NPAS3: variants seen among roughly 807,000 people sequenced by gnomAD.
The protein encoded by NPAS3 is neuronal PAS domain-containing protein 3.
A neutral mutation model predicts 73.1 loss-of-function variants in NPAS3; 14 were observed. The observed-to-expected ratio is 0.19, with a 90% CI of 0.13 to 0.30. The LOEUF is 0.30. Ranked by LOEUF, NPAS3 falls within the 10% of genes least tolerant of loss-of-function variation. NPAS3 has a pLI of 1.00. For synonymous variants in NPAS3, 620 were observed against 541.5 expected, an observed-to-expected ratio of 1.14 and a Z score of -2.01; for missense variants, 1,096 against 1,250.0, an observed-to-expected ratio of 0.88 and a Z score of 1.86.
intron 5 of NPAS3, among the ~76,000 whole-genome samples, chr14:33,609,554 G>C (rs896752440): frequency 6.6e-6 from 1 of 151,580 alleles, no homozygotes; most frequent in Admixed American, 6.6e-5. Flanking sequence ...AAAAAAGGAC[G>C]TGAACTGATG....
chr14:33,415,102 C>T (rs1394506916), intron 4 of NPAS3, among the ~76,000 whole-genome samples: 1 of 152,130 alleles, frequency 6.6e-6, no homozygotes, highest in African/African-American at 2.4e-5. Context: ...GTTGTTTTAA[C>T]TGAAGGTGAG....
intron 4 of NPAS3, among the ~76,000 whole-genome samples, chr14:33,546,425 G>A (rs748751253): frequency 2.0e-5 from 3 of 152,090 alleles, no homozygotes; most frequent in Non-Finnish European, 4.4e-5. Flanking sequence ...ATACTATAAG[G>A]GGCATTAGTA....
chr14:33,800,605 CG>C lies in NPAS3; in HGVS notation c.2303del (p.Gly768AlafsTer42). On this transcript the variant is annotated frameshift_variant, in exon 12 of 12. Transcript: ENST00000356141. LOFTEE classifies it high-confidence loss of function. This position sits in a 1 kb window ranked among gnomAD's most constrained non-coding sequence, Gnocchi z 6.5. ...AGCACCCCGGGAACGGCGGCGGGGGCGGGGGCGGGGGCGGCGGCGCGGGGGG... is the reference window on the plus strand; with the variant it reads ...AGCACCCCGGGAACGGCGGCGGGGGCGGGGCGGGGGCGGCGGCGCGGGGGG... 1 of 1,310,508 alleles carries C rather than the reference CG, an allele frequency of 7.6e-7. No homozygotes were observed. 81.2% of individuals were successfully genotyped at this position (1,310,508 alleles called of 1,614,324 possible).
intron 5 of NPAS3, among the ~76,000 whole-genome samples, chr14:33,573,573 C>T (rs544224517): frequency 1.4e-4 from 22 of 152,194 alleles, no homozygotes; most frequent in East Asian, 1.9e-4. Context: ...TTGTAGGAAA[C>T]GGAAAGGTAG....
intron 4 of NPAS3, among the ~76,000 whole-genome samples, chr14:33,373,256 T>G (rs1022489550): frequency 3.3e-5 from 5 of 152,212 alleles, no homozygotes; most frequent in African/African-American, 1.2e-4. Flanking sequence ...GTTGCAATAT[T>G]GTTTTTGCAA....
intron 4 of NPAS3, among the ~76,000 whole-genome samples, chr14:33,372,588 A>C (rs2046139391): frequency 1.3e-5 from 2 of 152,190 alleles, no homozygotes; most frequent in South Asian, 4.1e-4. Flanking sequence ...ACTGACTGTG[A>C]CCAATATTAT....
chr14:33,012,105 C>T (rs2039224949), intron 1 of NPAS3, among the ~76,000 whole-genome samples: 1 of 151,922 alleles, frequency 6.6e-6, no homozygotes, highest in Non-Finnish European at 1.5e-5. Flanking sequence ...CTCTCTCCAG[C>T]TTGTGTCCTC....
At chr14:33,045,496 T>C (rs535634550) in intron 1 of NPAS3, among the ~76,000 whole-genome samples, 1 of 152,368 alleles carries the variant, frequency 6.6e-6, no homozygotes, top group South Asian at 2.1e-4. Context: ...ACCAGAAGCC[T>C]CTTAATCAAG....
At chr14:33,701,221 A>G (rs2060515597) in intron 6 of NPAS3, among the ~76,000 whole-genome samples, 1 of 152,220 alleles carries the variant, frequency 6.6e-6, no homozygotes, top group African/African-American at 2.4e-5. Context: ...GAGTTCCATA[A>G]CAACCCTGTG....
At chr14:33,079,719 C>A (rs2041804250) in intron 2 of NPAS3, among the ~76,000 whole-genome samples, 1 of 135,184 alleles carries the variant, frequency 7.4e-6, no homozygotes, top group Non-Finnish European at 1.5e-5. Context: ...TCAAGTGATT[C>A]TCCTGCCTCA....
intron 1 of NPAS3, among the ~76,000 whole-genome samples, chr14:32,941,309 C>CTCCTTCCT (rs1226851739): frequency 0.22 from 1,498 of 6,856 alleles, 245 homozygotes; most frequent in Middle Eastern, 0.5. Flanking sequence ...CCCTCCCTCC[C>CTCCTTCCT]TCCTTCCTTC....
intron 5 of NPAS3, among the ~76,000 whole-genome samples, chr14:33,652,594 C>T (rs1458432738): frequency 6.6e-6 from 1 of 152,310 alleles, no homozygotes; most frequent in African/African-American, 2.4e-5. Flanking sequence ...CTACAGGAGT[C>T]GTTAAAAGTA....
At chr14:33,612,123 CTCT>C (rs2057768699) in intron 5 of NPAS3, among the ~76,000 whole-genome samples, 1 of 152,102 alleles carries the variant, frequency 6.6e-6, no homozygotes, top group South Asian at 2.1e-4. Context: ...TGCTGCTCCT[CTCT>C]TCTGAGGGGT....
chr14:33,633,563 T>G (rs1275423524), intron 5 of NPAS3, among the ~76,000 whole-genome samples: 2 of 152,224 alleles, frequency 1.3e-5, no homozygotes, highest in Non-Finnish European at 2.9e-5. Context: ...GTTACTGTAC[T>G]GCATACTGTA....
intron 2 of NPAS3, among the ~76,000 whole-genome samples, chr14:33,206,629 T>G (rs956748635): frequency 6.6e-6 from 1 of 152,150 alleles, no homozygotes; most frequent in African/African-American, 2.4e-5. Flanking sequence ...ATGAATTAGA[T>G]GATGTTGAAA....
At chr14:33,588,781 A>T (rs1201372011) in intron 5 of NPAS3, among the ~76,000 whole-genome samples, 2 of 151,840 alleles carry the variant, frequency 1.3e-5, no homozygotes, top group African/African-American at 4.8e-5. Context: ...GCACAGATAA[A>T]TTTTTTTGCA....
intron 4 of NPAS3, among the ~76,000 whole-genome samples, chr14:33,518,592 A>ATT (rs71433619): frequency 0.013 from 1,682 of 128,828 alleles, 58 homozygotes; most frequent in African/African-American, 0.036. Context: ...GACATCAAGG[A>ATT]TTTTTTTTTT....
At chr14:33,050,122 C>T (rs983245407) in intron 1 of NPAS3, among the ~76,000 whole-genome samples, 7 of 152,130 alleles carry the variant, frequency 4.6e-5, no homozygotes, top group Non-Finnish European at 7.3e-5. Context: ...AAGTCAAAGT[C>T]AACTCTTCCA....
At chr14:33,022,966 C>G (rs114624547) in intron 1 of NPAS3, among the ~76,000 whole-genome samples, 2 of 151,960 alleles carry the variant, frequency 1.3e-5, no homozygotes. Context: ...AATCTACTCC[C>G]CTTAAATTTT....
Sources: gnomAD v4.1 joint callset for allele counts (sites outside exome capture counted in the v4.1 genomes callset) on GRCh38, gnomAD v4.1.1 for gene constraint, Gnocchi (gnomAD v3.1) non-coding constraint, MANE v1.5 for transcripts, NCBI Gene and HGNC (gene_info 2026-07-23, HGNC 2026-07-21) for gene names.